The following MCM7 variants were observed in gnomAD, a reference collection of about 807,000 sequenced individuals.
MCM7 encodes DNA replication licensing factor MCM7.
A neutral mutation model predicts 83.5 loss-of-function variants in MCM7; 95 were observed. The observed-to-expected ratio is 1.14, with a 90% CI of 0.96 to 1.35. The LOEUF (loss-of-function observed/expected upper bound fraction) is 1.35. Ranked by LOEUF, MCM7 falls within the 40% of genes most tolerant of loss-of-function variation. The pLI, the probability that MCM7 is intolerant of heterozygous loss-of-function variation, is 0.00. For missense variants in MCM7, 1,087 were observed against 957.4 expected (o/e 1.14, Z -1.79); for synonymous variants, 461 against 352.7 (o/e 1.31, Z -3.44).
intron 6 of MCM7, 100 bp downstream of exon 6, chr7:100,098,478 C>G: frequency 6.4e-7 from 1 of 1,562,954 alleles, no homozygotes; most frequent in Non-Finnish European, 8.7e-7. Context: ...TCCTGCACTT[C>G]CCTCTTTTGT....
At chr7:100,093,221 T>C in intron 14 of MCM7, 71 bp downstream of exon 14, 3 of 1,595,084 alleles carry the variant, frequency 1.9e-6, no homozygotes, top group African/African-American at 1.3e-5. Context: ...GTGTTAGAAT[T>C]GAGGCCAACC....
chr7:100,093,864 G>A (rs571635029), intron 13 of MCM7: 36 of 646,804 alleles, frequency 5.6e-5, no homozygotes, highest in South Asian at 2.2e-4. Context: ...GGTCCAAGAC[G>A]GGAGGACAGA....
Position 100,093,046 on chromosome 7 carries a change from C to A in MCM7, c.2046G>T (p.Gln682His), listed in dbSNP as rs151020548. 1.2e-6 allele frequency: 2 copies of A among 1,614,250 alleles called. No individual in the cohort carries two copies. Among genetic ancestry groups the A allele is most frequent in the Admixed American group, 3.3e-5 (2 of 60,034 alleles). The change falls in exon 15 of 15, where the codon CAG (glutamine) becomes CAT (histidine). Residue 682 changes from glutamine to histidine, a missense_variant. Coordinates refer to ENST00000303887, the MANE Select transcript of MCM7 (RefSeq NM_005916.5). ...GTGTGAAGCCACGAGATACACAGCG[C>A]TGCTCTGCCTCAGAGAACCGGACAC... ...GRSVRFSEAE[Q>H]RCVSRGFTPA...
chr7:100,098,103 A>G (rs369912024), intron 7 of MCM7, 38 bp downstream of exon 7: 1 of 1,608,232 alleles, frequency 6.2e-7, no homozygotes, highest in Non-Finnish European at 8.5e-7. Flanking sequence ...GTGAGGGAAA[A>G]GGGGATGATC....
At position 100,097,927 on chromosome 7, in the gene MCM7, G is replaced by C. The variant is rs760690865; in HGVS notation, c.892C>G (p.Leu298Val). ...ATCTTCACAATCCGATGGGCTTCCAGGTAGGTTTCTGAGAGTAAACCCTTG... is the reference window on the plus strand; with the variant it reads ...ATCTTCACAATCCGATGGGCTTCCACGTAGGTTTCTGAGAGTAAACCCTTG... ...VVQGLLSETY[L>V]EAHRIVKMNK... Residue 298 changes from leucine to valine, a missense_variant, in exon 8 of 15, where the codon CTG (leucine) becomes GTG (valine). Physicochemically the swap from Leu to Val is conservative, Grantham distance 32. Coordinates refer to ENST00000303887, the MANE Select transcript of MCM7 (RefSeq NM_005916.5). 6 of 1,614,056 alleles carry C rather than the reference G, an allele frequency of 3.7e-6. No individual in the cohort carries two copies. The South Asian group carries it at 4.4e-5, about 12-fold the overall frequency.
At position 100,098,290 on chromosome 7, in the gene MCM7, T is replaced by C. The variant is rs1214613441; in HGVS notation, c.721A>G (p.Ser241Gly). ...ATATTTCCCACAGGCACCTGATCAC[T>C]CTAGGGGAGGGAAAGGCACATAAGA... ...KFQEMKMQEH[S>G]DQVPVGNIPR... Residue 241 changes from serine to glycine, a missense_variant and splice_region_variant, in exon 7 of 15, where the codon AGT (serine) becomes GGT (glycine). Ser to Gly is a moderately conservative substitution (Grantham distance 56, BLOSUM62 0). Coordinates refer to ENST00000303887, the MANE Select transcript of MCM7 (RefSeq NM_005916.5). 1.9e-6 allele frequency: 3 copies of C among 1,613,828 alleles called. No homozygotes were observed. The highest frequency in any genetic ancestry group is 2.5e-6 in the Non-Finnish European group (3 of 1,179,894).
rs1013132621 is a variant in MCM7, at chr7:100,094,351, A to G, written c.1680-10T>C. The G allele has an allele frequency of 6.2e-7, 1 of 1,613,424 alleles. No individual in the cohort carries two copies. The highest frequency in any genetic ancestry group is 8.5e-7 in the Non-Finnish European group (1 of 1,179,924). On this transcript the variant is annotated splice_polypyrimidine_tract_variant and intron_variant, in intron 12 of 14. Transcript: ENST00000303887. ...CATGGCTATGTAACGCCTGTGGGGG[A>G]AGGTTCATGGGGAAGCAGAAGAGGG...
chr7:100,101,051 G>A (rs1048866006), intron 1 of MCM7: 2 of 713,508 alleles, frequency 2.8e-6, no homozygotes, highest in Non-Finnish European at 4.5e-6. Context: ...ACCTTTACCA[G>A]GTGGGATTAC....
At chr7:100,097,250 T>C (rs372194835) in intron 10 of MCM7, 51 bp downstream of exon 10, 35 of 1,515,308 alleles carry the variant, frequency 2.3e-5, no homozygotes, top group African/African-American at 4.1e-5. Context: ...GAATAAACAC[T>C]GTGGTCCTGT....
chr7:100,093,130 A>C lies in MCM7; in HGVS notation c.1962T>G (p.Thr654=), dbSNP rs1316674634. 1.2e-6 allele frequency: 2 copies of C among 1,613,784 alleles called. No individual in the cohort carries two copies. Among genetic ancestry groups the C allele is most frequent in the Admixed American group, 3.3e-5 (2 of 59,906 alleles). Residue 654 remains threonine (T), a synonymous_variant, in exon 15 of 15, where the codon ACT becomes ACG. Transcript: ENST00000303887. ...CAAATATCACATCTGCTGGTCTCTG[A>C]GTCCTGAAGGAAATGAGTGGGTGTG... ...LLGDKGQTAR[T]QRPADVIFAT...
In MCM7 at chr7:100,098,602, G is replaced by A; in HGVS notation, c.696C>T (p.Phe232=). The A allele has an allele frequency of 6.2e-7, 1 of 1,614,124 alleles. No individual in the cohort carries two copies. The highest frequency in any genetic ancestry group is 8.5e-7 in the Non-Finnish European group (1 of 1,180,034). Reference sequence around the variant, plus strand: ...CATGTTCTTGCATCTTCATCTCCTGGAATTTGATGAATCTGGAGCCCCGTG... The same window carrying A: ...CATGTTCTTGCATCTTCATCTCCTGAAATTTGATGAATCTGGAGCCCCGTG... The part of the protein sequence containing the change: ...LQTRGSRFIK[F]QEMKMQEHSD... The change falls in exon 6 of 15, where the codon TTC becomes TTT. Residue 232 remains phenylalanine, a synonymous_variant. Coordinates refer to ENST00000303887, the MANE Select transcript of MCM7 (RefSeq NM_005916.5).
At chr7:100,098,973 A>G in intron 5 of MCM7, 50 bp downstream of exon 5, 2 of 1,609,294 alleles carry the variant, frequency 1.2e-6, no homozygotes, top group Non-Finnish European at 1.7e-6. Flanking sequence ...ATTAATCTCT[A>G]CAAAACAACT....
chr7:100,099,953 T>A lies in MCM7; in HGVS notation c.111+61A>T. The stretch of plus-strand genomic sequence containing the variant: ...ATGTCTTTAATAAAACAAGCCAAGC[T>A]GCTGCTTATGGCTCCTTAAGCACCC... On this transcript the variant is annotated intron_variant, in intron 2 of 14. Coordinates refer to ENST00000303887, the MANE Select transcript of MCM7 (RefSeq NM_005916.5). 10 of 1,498,750 alleles carry A rather than the reference T, an allele frequency of 6.7e-6. No individual in the cohort carries two copies. In the South Asian group the frequency reaches 1.0e-4, roughly 15 times the overall value. 92.8% of individuals were successfully genotyped at this position (1,498,750 alleles called of 1,614,324 possible). A position where few individuals can be genotyped will look rare whatever the true frequency, so the allele number is the denominator to read the frequency against.
intron 13 of MCM7, 137 bp downstream of exon 13, chr7:100,094,036 G>A (rs2116554389): frequency 1.8e-6 from 2 of 1,085,954 alleles, no homozygotes; most frequent in East Asian, 2.4e-5. Context: ...GCACGGAGAG[G>A]ACCACTATCT....
intron 1 of MCM7, chr7:100,100,739 A>T: frequency 2.0e-6 from 2 of 988,934 alleles, no homozygotes; most frequent in Non-Finnish European, 2.4e-6. Flanking sequence ...GCGCGGAAGG[A>T]CACTGTTTAC....
intron 7 of MCM7, 79 bp downstream of exon 7, chr7:100,098,062 G>A (rs1486135029): frequency 6.3e-7 from 1 of 1,584,606 alleles, no homozygotes; most frequent in African/African-American, 1.3e-5. Context: ...GGGTTTTGCT[G>A]CTCTTTTCTC....
At position 100,092,885 on chromosome 7, in the gene MCM7, A is replaced by T. The variant is rs1466397751; in HGVS notation, c.*47T>A. On this transcript the variant is annotated 3_prime_UTR_variant, in exon 15 of 15. Coordinates refer to ENST00000303887, the MANE Select transcript of MCM7 (RefSeq NM_005916.5). ...GCATCACTGCCCCTTCCCAAGGGGC[A>T]GGCCAGCAGGGAACAAGAGGACCCC... The T allele has an allele frequency of 6.2e-7, 1 of 1,605,572 alleles. No individual in the cohort carries two copies. The highest frequency in any genetic ancestry group is 1.3e-5 in the African/African-American group (1 of 74,766).
intron 12 of MCM7, 39 bp from the exon 13 acceptor site, chr7:100,094,380 T>G: frequency 6.2e-7 from 1 of 1,611,852 alleles, no homozygotes; most frequent in Non-Finnish European, 8.5e-7. Context: ...AAGAGGGAGA[T>G]GGGGAAGGGA....
chr7:100,097,551 G>T, intron 9 of MCM7, 63 bp downstream of exon 9: 1 of 1,609,682 alleles, frequency 6.2e-7, no homozygotes, highest in Non-Finnish European at 8.5e-7. Context: ...AGGGACACTT[G>T]TCATCCTTTT....
Sources: gnomAD v4.1 joint callset for allele counts on GRCh38, gnomAD v4.1.1 for gene constraint, MANE v1.5 for transcripts, NCBI Gene and HGNC (gene_info 2026-07-23, HGNC 2026-07-21) for gene names.